BLK: variants seen among roughly 807,000 people sequenced by gnomAD.
BLK encodes BLK proto-oncogene, Src family tyrosine kinase.
BLK carries 64 observed loss-of-function variants against 61.8 expected under a neutral mutation model. The ratio of observed to expected loss-of-function variants is 1.03; its 90% confidence interval spans 0.85 to 1.27. The LOEUF (loss-of-function observed/expected upper bound fraction) is 1.27. Among genes scored for constraint, BLK ranks in the 50% most tolerant of loss-of-function variants. The pLI, the probability that BLK is intolerant of heterozygous loss-of-function variation, is 0.00. For synonymous variants in BLK, 351 were observed against 272.0 expected (o/e 1.29, Z -2.86); for missense variants, 853 against 660.5 (o/e 1.29, Z -3.19).
chr8:11,517,402 A>G (rs1015860942), intron 1 of BLK, among the ~76,000 whole-genome samples: 1 of 152,216 alleles, frequency 6.6e-6, no homozygotes, highest in African/African-American at 2.4e-5. Context: ...ATTTACTAGA[A>G]GTCCAAGTGG....
chr8:11,553,341 C>G (rs1321598310), intron 6 of BLK: 1 of 418,016 alleles, frequency 2.4e-6, no homozygotes. Context: ...GAGCCAGGCC[C>G]TGCCTGCCCA....
intron 1 of BLK, among the ~76,000 whole-genome samples, chr8:11,506,139 C>T (rs1213349323): frequency 6.6e-6 from 1 of 152,222 alleles, no homozygotes; most frequent in African/African-American, 2.4e-5. Flanking sequence ...AGTGCTTTTC[C>T]TGAGGTCACG....
At chr8:11,539,575 T>C (rs866618774) in intron 1 of BLK, among the ~76,000 whole-genome samples, 1 of 152,214 alleles carries the variant, frequency 6.6e-6, no homozygotes. Context: ...TCAAAAGGTA[T>C]GTGTGCTTTT....
intron 11 of BLK, among the ~76,000 whole-genome samples, chr8:11,562,020 T>C (rs1266197960): frequency 6.6e-6 from 1 of 152,164 alleles, no homozygotes; most frequent in East Asian, 1.9e-4. Context: ...GGTTTCACCA[T>C]GTTGGCCAGG....
intron 1 of BLK, among the ~76,000 whole-genome samples, chr8:11,538,298 A>T (rs1356662001): frequency 6.6e-6 from 1 of 152,192 alleles, no homozygotes; most frequent in Non-Finnish European, 1.5e-5. Flanking sequence ...GGACTTCTGC[A>T]CTTCCTGGCT....
intron 1 of BLK, among the ~76,000 whole-genome samples, chr8:11,527,913 T>C (rs1799727228): frequency 1.3e-5 from 2 of 152,166 alleles, no homozygotes; most frequent in African/African-American, 4.8e-5. Flanking sequence ...ACAGAAATTA[T>C]GCCTACATTT....
intron 1 of BLK, among the ~76,000 whole-genome samples, chr8:11,502,243 G>C (rs983466464): frequency 3.3e-5 from 5 of 152,044 alleles, no homozygotes; most frequent in African/African-American, 1.2e-4. Flanking sequence ...GTTGTATCTT[G>C]TATAATTCAA....
chr8:11,514,671 A>T (rs1799154599), intron 1 of BLK, among the ~76,000 whole-genome samples: 2 of 152,134 alleles, frequency 1.3e-5, no homozygotes, highest in Admixed American at 1.3e-4. Context: ...GTAGCCCGTG[A>T]GCCTGCTTTC....
At chr8:11,551,330 C>T (rs1004046352) in intron 6 of BLK, among the ~76,000 whole-genome samples, 1 of 152,208 alleles carries the variant, frequency 6.6e-6, no homozygotes, top group Non-Finnish European at 1.5e-5. Flanking sequence ...GGAGCTCTCT[C>T]CTTGGCTTGC....
In BLK at chr8:11,564,254, G is replaced by T. The variant is rs1273015739; in HGVS notation, c.*146G>T. On this transcript the variant is annotated 3_prime_UTR_variant, in exon 13 of 13. Coordinates refer to ENST00000259089, the MANE Select transcript of BLK (RefSeq NM_001715.3). The stretch of plus-strand genomic sequence containing the variant: ...CAGTGGGCAGAGGCAGCTTCGCAGG[G>T]GGTCCCCGGACGGACTCCTTCACCG... 4 of 1,007,420 alleles carry T rather than the reference G, an allele frequency of 4.0e-6. No individual in the cohort carries two copies. Among genetic ancestry groups the T allele is most frequent in the South Asian group, 1.4e-5 (1 of 71,892 alleles). The allele number at this position is 1,007,420 out of a possible 1,614,324, so 62.4% of individuals were successfully genotyped here.
intron 1 of BLK, among the ~76,000 whole-genome samples, chr8:11,530,962 G>A (rs548405985): frequency 6.6e-6 from 1 of 152,262 alleles, no homozygotes; most frequent in South Asian, 2.1e-4. Context: ...CTTACCATCA[G>A]CCTCAGGTGA....
At chr8:11,520,283 T>C (rs1413118707) in intron 1 of BLK, among the ~76,000 whole-genome samples, 7 of 151,366 alleles carry the variant, frequency 4.6e-5, no homozygotes, top group East Asian at 3.9e-4. Flanking sequence ...TCGAGACCAG[T>C]GTGGTCAACA....
intron 4 of BLK, among the ~76,000 whole-genome samples, chr8:11,548,746 T>C (rs1383998827): frequency 6.6e-6 from 1 of 152,250 alleles, no homozygotes; most frequent in Non-Finnish European, 1.5e-5. Context: ...CACCAAGCTC[T>C]GAACACGTCC....
intron 1 of BLK, among the ~76,000 whole-genome samples, chr8:11,536,378 T>C (rs900509759): frequency 6.6e-6 from 1 of 152,104 alleles, no homozygotes; most frequent in African/African-American, 2.4e-5. Flanking sequence ...AGAGTTCTAT[T>C]ATTATTAATA....
At chr8:11,552,280 G>A (rs1415064588) in intron 6 of BLK, among the ~76,000 whole-genome samples, 4 of 152,244 alleles carry the variant, frequency 2.6e-5, no homozygotes, top group Non-Finnish European at 4.4e-5. Flanking sequence ...CCACAAAGGG[G>A]CAGGACCAGG....
At chr8:11,546,959 C>T (rs921322330) in intron 3 of BLK, among the ~76,000 whole-genome samples, 1 of 152,228 alleles carries the variant, frequency 6.6e-6, no homozygotes, top group African/African-American at 2.4e-5. Context: ...AGAGGCTCCA[C>T]CCCTGGGGAC....
At chr8:11,505,075 C>A (rs898152049) in intron 1 of BLK, among the ~76,000 whole-genome samples, 1 of 152,170 alleles carries the variant, frequency 6.6e-6, no homozygotes, top group South Asian at 2.1e-4. Flanking sequence ...TGTAGAAATA[C>A]CTAGACACAG....
At chr8:11,509,093 A>T (rs546735999) in intron 1 of BLK, 1 of 151,988 alleles carries the variant, frequency 6.6e-6, no homozygotes, top group South Asian at 2.1e-4. Context: ...GCTGACCATA[A>T]CCCTTAACCA....
chr8:11,546,823 G>A (rs192894547), intron 3 of BLK, among the ~76,000 whole-genome samples: 93 of 152,314 alleles, frequency 6.1e-4, no homozygotes, highest in Middle Eastern at 3.4e-3. Context: ...TGATCTGCCC[G>A]CCTCAGCCTC....
Sources: allele counts gnomAD v4.1 joint callset (sites outside exome capture counted in the v4.1 genomes callset), GRCh38; gene constraint gnomAD v4.1.1; transcripts MANE v1.5; gene names NCBI Gene and HGNC (gene_info 2026-07-23, HGNC 2026-07-21).